The following PTK2 variants were observed in gnomAD, a reference collection of about 807,000 sequenced individuals.
PTK2 encodes focal adhesion kinase 1.
In PTK2, 45 loss-of-function variants were observed where a neutral mutation model predicts 150.1. The observed-to-expected ratio is 0.30, with a 90% confidence interval of 0.24 to 0.38. The LOEUF is 0.38. Among genes scored for constraint, PTK2 ranks in the 10% least tolerant of loss-of-function variants. The pLI, the probability that PTK2 is intolerant of heterozygous loss-of-function variation, is 1.00. For missense variants in PTK2, 919 were observed against 1,307.3 expected (o/e 0.70, Z 4.58); for synonymous variants, 432 against 449.2 (o/e 0.96, Z 0.48).
rs942580782 is a variant in PTK2 at position 140,929,537 on chromosome 8, C to T, written c.-121-3788G>A. Among the ~76,000 whole-genome samples, 4 of 152,030 alleles carry T rather than the reference C, an allele frequency of 2.6e-5. No individual in the cohort carries two copies. The East Asian group carries it at 7.7e-4, about 29-fold the overall frequency. ...CCCCTAATAAACTTGGAGGTAATTA[C>T]TAATATCATCATTTTCAAGAAAAAG... is the stretch of plus-strand genomic sequence containing the variant. On this transcript the variant is annotated intron_variant, in intron 1 of 31. Coordinates refer to ENST00000522684, the Ensembl canonical transcript of PTK2.
chr8:140,846,694 T>G lies in PTK2; in HGVS notation c.451-16A>C. 1 of 1,581,704 alleles carries G rather than the reference T, an allele frequency of 6.3e-7. No homozygotes were observed. The highest frequency in any genetic ancestry group is 8.6e-7 in the Non-Finnish European group (1 of 1,159,594). The stretch of plus-strand genomic sequence containing the variant: ...CGCTCTTCACCTACAACAAAAGGAA[T>G]GGGAAAAACAACACTGTTTTAAAAG... On this transcript the variant is annotated splice_polypyrimidine_tract_variant and intron_variant, in intron 5 of 31. Coordinates refer to ENST00000522684, the Ensembl canonical transcript of PTK2.
intron 10 of PTK2, among the ~76,000 whole-genome samples, chr8:140,804,251 A>G (rs1421635999): frequency 6.9e-6 from 1 of 145,350 alleles, no homozygotes; most frequent in African/African-American, 2.6e-5. Context: ...TTTTTCTTCT[A>G]TTACTGCTGC....
chr8:140,899,652 G>C lies in PTK2; in HGVS notation c.-32-8883C>G, dbSNP rs1323975219. ...ACCAGACAACAATGCAACAAAAAAA[G>C]AAAACTACAGGCCAATATCACTGAG... On this transcript the variant is annotated intron_variant, in intron 2 of 31. Transcript: ENST00000522684. Among the ~76,000 whole-genome samples, 3 of 152,040 alleles carry C rather than the reference G, an allele frequency of 2.0e-5. No homozygotes were observed. In the East Asian group the frequency reaches 5.8e-4, roughly 29 times the overall value.
At chr8:140,831,712 C>T (rs1253479074) in intron 7 of PTK2, among the ~76,000 whole-genome samples, 1 of 152,098 alleles carries the variant, frequency 6.6e-6, no homozygotes, top group African/African-American at 2.4e-5. Context: ...CTGGTTTTAC[C>T]CATCAGTTAA....
At chr8:140,877,455 C>G (rs76710323) in intron 4 of PTK2, among the ~76,000 whole-genome samples, 1 of 152,082 alleles carries the variant, frequency 6.6e-6, no homozygotes, top group East Asian at 1.9e-4. Context: ...CAGCTAAGTT[C>G]GAATCAAAGC....
At chr8:140,672,675 C>G (rs1292418284) in intron 29 of PTK2, among the ~76,000 whole-genome samples, 1 of 152,206 alleles carries the variant, frequency 6.6e-6, no homozygotes, top group Non-Finnish European at 1.5e-5. Context: ...CAAACCTGTG[C>G]CCTCTAAGCT....
intron 12 of PTK2, among the ~76,000 whole-genome samples, chr8:140,796,174 T>G (rs2100091483): frequency 2.0e-5 from 3 of 152,182 alleles, no homozygotes; most frequent in African/African-American, 7.2e-5. Flanking sequence ...GGACCCCGTG[T>G]TACTCTTTCT....
rs146931018 is a variant in PTK2 at position 140,936,408 on chromosome 8, G to A, written c.-121-10659C>T. Among the ~76,000 whole-genome samples, 914 of 152,250 alleles carry A rather than the reference G, an allele frequency of 6.0e-3. 8 individuals carry two copies. The highest frequency in any genetic ancestry group is 0.01 in the Non-Finnish European group (696 of 68,014). On this transcript the variant is annotated intron_variant, in intron 1 of 31. Coordinates refer to ENST00000522684, the Ensembl canonical transcript of PTK2. ...ACAACAAGGTATAAGGTAAAACACA[G>A]GAGGAGGGGCCACTATAATAAAAGA...
chr8:140,712,239 GAGA>G (rs59270306), intron 23 of PTK2, among the ~76,000 whole-genome samples: 4,045 of 151,264 alleles, frequency 0.027, 180 homozygotes, highest in African/African-American at 0.093. Flanking sequence ...AAACCAAACT[GAGA>G]AGAAGGACAC....
intron 23 of PTK2, among the ~76,000 whole-genome samples, chr8:140,710,584 T>C (rs987597825): frequency 2.0e-5 from 3 of 151,870 alleles, no homozygotes; most frequent in Non-Finnish European, 2.9e-5. Context: ...GGAGTGAGAA[T>C]AGCTTGAACC....
At chr8:140,850,601 G>A (rs2154604659) in intron 5 of PTK2, among the ~76,000 whole-genome samples, 1 of 151,816 alleles carries the variant, frequency 6.6e-6, no homozygotes, top group East Asian at 1.9e-4. Context: ...GTGGTGGCAG[G>A]CACCTGTAGT....
chr8:140,783,512 T>C (rs1030553214), intron 14 of PTK2, among the ~76,000 whole-genome samples: 1 of 152,198 alleles, frequency 6.6e-6, no homozygotes, highest in Non-Finnish European at 1.5e-5. Context: ...ATAAGTGGCA[T>C]AGTCATGAAT....
intron 26 of PTK2, among the ~76,000 whole-genome samples, chr8:140,698,405 A>T (rs1410114111): frequency 1.3e-5 from 2 of 152,210 alleles, no homozygotes; most frequent in Non-Finnish European, 2.9e-5. Flanking sequence ...CTTAGAATAG[A>T]TATAATATCC....
At chr8:140,741,433 C>T (rs555819971) in intron 20 of PTK2, among the ~76,000 whole-genome samples, 20 of 148,954 alleles carry the variant, frequency 1.3e-4, no homozygotes, top group African/African-American at 3.7e-4. Context: ...CCAGCCTGGG[C>T]GACAGAGTGA....
intron 1 of PTK2, among the ~76,000 whole-genome samples, chr8:140,967,852 CCTT>C (rs2100185861): frequency 6.6e-6 from 1 of 152,128 alleles, no homozygotes; most frequent in Non-Finnish European, 1.5e-5. Context: ...ACCAATTTTC[CCTT>C]CTTCTAAACT....
At chr8:140,833,562 CTGTG>C (rs1192523199) in intron 7 of PTK2, among the ~76,000 whole-genome samples, 4 of 152,178 alleles carry the variant, frequency 2.6e-5, no homozygotes, top group African/African-American at 9.7e-5. Flanking sequence ...TCTCCATGAT[CTGTG>C]TGTTTGGGAC....
At chr8:140,744,064 ACCG>A (rs1300652838) in intron 19 of PTK2, among the ~76,000 whole-genome samples, 3 of 25,992 alleles carry the variant, frequency 1.2e-4, no homozygotes, top group African/African-American at 1.2e-3. Context: ...GCTATGAGCC[ACCG>A]CGCCCGGCCT....
intron 1 of PTK2, among the ~76,000 whole-genome samples, chr8:140,990,151 C>G (rs753439840): frequency 7.2e-5 from 11 of 152,022 alleles, no homozygotes; most frequent in Non-Finnish European, 1.6e-4. Context: ...CTACTACAGG[C>G]CAAGCACTCT....
chr8:140,866,098 T>C (rs889863582), intron 4 of PTK2, among the ~76,000 whole-genome samples: 1 of 152,186 alleles, frequency 6.6e-6, no homozygotes, highest in East Asian at 1.9e-4. Context: ...GCCTGGGCAC[T>C]ATTTCTCTTA....
Sources: allele counts gnomAD v4.1 joint callset (sites outside exome capture counted in the v4.1 genomes callset), GRCh38; gene constraint gnomAD v4.1.1; transcripts MANE v1.5; gene names NCBI Gene and HGNC (gene_info 2026-07-23, HGNC 2026-07-21).